REG3G: variants seen among roughly 807,000 people sequenced by gnomAD.
REG3G encodes regenerating islet-derived protein 3-gamma.
REG3G carries 19 observed loss-of-function variants against 20.9 expected under a neutral mutation model. The ratio of observed to expected loss-of-function variants is 0.91; its 90% CI spans 0.64 to 1.34. The LOEUF (loss-of-function observed/expected upper bound fraction) is 1.34. Ranked by LOEUF, REG3G falls within the 40% of genes most tolerant of loss-of-function variation. REG3G has a pLI of 0.00. For missense variants in REG3G, 235 were observed against 205.0 expected (o/e 1.15, Z -0.89); for synonymous variants, 89 against 77.4 (o/e 1.15, Z -0.79).
At chr2:79,026,489 G>T in intron 2 of REG3G, 1 of 598,890 alleles carries the variant, frequency 1.7e-6, no homozygotes, top group East Asian at 2.8e-5. Context: ...ACAGTGAAGA[G>T]AGTGTTGAAT....
At position 79,028,246 on chromosome 2, in the gene REG3G, G is replaced by A. The variant is rs1671676029; in HGVS notation, c.498G>A (p.Lys166=). Residue 166 remains lysine, a synonymous_variant, in exon 6 of 6, where the codon AAG becomes AAA. Coordinates refer to ENST00000272324, the MANE Select transcript of REG3G (RefSeq NM_001008387.3). ...LKWKDYNCDA[K]LPYVCKFKD is the part of the protein sequence containing the mutation. ...GGAAAGATTATAACTGTGATGCAAA[G>A]TTACCCTATGTCTGCAAGTTCAAGG... 6.2e-7 allele frequency: 1 copy of A among 1,613,288 alleles called. No individual in the cohort carries two copies. The highest frequency in any genetic ancestry group is 8.5e-7 in the Non-Finnish European group (1 of 1,179,376).
chr2:79,027,266 A>G (rs1671649197), intron 4 of REG3G, 95 bp downstream of exon 4: 1 of 1,345,804 alleles, frequency 7.4e-7, no homozygotes, highest in East Asian at 2.3e-5. Flanking sequence ...GAAGTACTTT[A>G]GGGAGCACTG....
rs781292256 is a variant in REG3G, at chr2:79,028,321, A to G, written c.*45A>G. 13 of 1,319,348 alleles carry G rather than the reference A, an allele frequency of 9.9e-6. No individual in the cohort carries two copies. Among genetic ancestry groups the G allele is most frequent in the Non-Finnish European group, 7.7e-6 (7 of 910,882 alleles). 81.7% of individuals were successfully genotyped at this position (1,319,348 alleles called of 1,614,324 possible). A position where few individuals can be genotyped will look rare whatever the true frequency, so the allele number is the denominator to read the frequency against. On this transcript the variant is annotated 3_prime_UTR_variant, in exon 6 of 6. Coordinates refer to ENST00000272324, the MANE Select transcript of REG3G (RefSeq NM_001008387.3). ...GCCTGAGCTTGGCGTGCAGCTCATC[A>G]TGGACATGAGACCAGTGTGAAGACT... is the stretch of plus-strand genomic sequence containing the variant.
chr2:79,026,589 G>C, intron 2 of REG3G, 124 bp from the exon 3 acceptor site: 1 of 773,172 alleles, frequency 1.3e-6, no homozygotes, highest in South Asian at 1.7e-5. Flanking sequence ...AAAACACAAG[G>C]GAAGATGAAG....
chr2:79,028,057 C>A, intron 5 of REG3G, 124 bp downstream of exon 5: 1 of 1,325,458 alleles, frequency 7.5e-7, no homozygotes, highest in Non-Finnish European at 1.1e-6. Flanking sequence ...CGTCTCCTCT[C>A]ATCTCTGCCT....
At position 79,027,794 on chromosome 2, in the gene REG3G, C is replaced by T; in HGVS notation, c.334-13C>T. 9 of 1,613,826 alleles carry T rather than the reference C, an allele frequency of 5.6e-6. No homozygotes were observed. Among genetic ancestry groups the T allele is most frequent in the Non-Finnish European group, 7.6e-6 (9 of 1,179,828 alleles). ...GCCATTTTCTTCACCTGGCTGCCTC[C>T]TCTTCTCTATAGGGCTCTGAGCCTG... On this transcript the variant is annotated splice_polypyrimidine_tract_variant and intron_variant, in intron 4 of 5. Coordinates refer to ENST00000272324, the MANE Select transcript of REG3G (RefSeq NM_001008387.3).
chr2:79,027,236 T>C, intron 4 of REG3G, 65 bp downstream of exon 4: 1 of 1,545,210 alleles, frequency 6.5e-7, no homozygotes, highest in Non-Finnish European at 8.9e-7. Context: ...GCGCACTCCC[T>C]GTCCCCAGTC....
Position 79,027,910 on chromosome 2 carries a change from G to T in REG3G, c.437G>T (p.Cys146Phe). 1 of 1,614,068 alleles carries T rather than the reference G, an allele frequency of 6.2e-7. No homozygotes were observed. Among genetic ancestry groups the T allele is most frequent in the Non-Finnish European group, 8.5e-7 (1 of 1,179,974 alleles). The change falls in exon 5 of 6, where the codon TGT becomes TTT. Residue 146 changes from cysteine (C) to phenylalanine (F), a missense_variant. By Grantham distance (205) the Cys-to-Phe change is radical (BLOSUM62 -2). Transcript: ENST00000272324. Reference sequence around the variant, plus strand: ...TCCACCATCTTAAACCCTGGCCACTGTGGGAGCCTGTCAAGAAGCACAGGT... The same window carrying T: ...TCCACCATCTTAAACCCTGGCCACTTTGGGAGCCTGTCAAGAAGCACAGGT... ...NPSTILNPGH[C>F]GSLSRSTGFL...
In REG3G at chr2:79,026,618, C is replaced by T. The variant is rs924682635; in HGVS notation, c.77-95C>T. On this transcript the variant is annotated intron_variant, in intron 2 of 5. Transcript: ENST00000272324. ...GATGAAGAGCTGTCAGGAATGTGGT[C>T]TTCCTCCCCAAGGGCAGACCTAGAT... The T allele has an allele frequency of 5.1e-6, 5 of 977,942 alleles. No individual in the cohort carries two copies. In the African/African-American group the frequency reaches 8.2e-5, roughly 16 times the overall value. 60.6% of individuals were successfully genotyped at this position (977,942 alleles called of 1,614,324 possible).
chr2:79,026,235 G>A, intron 2 of REG3G, 66 bp downstream of exon 2: 2 of 1,503,886 alleles, frequency 1.3e-6, no homozygotes, highest in East Asian at 2.3e-5. Context: ...AAGGAGGAAG[G>A]CTCCTGTGTG....
Position 79,027,172 on chromosome 2 carries a change from G to T in REG3G, c.333+1G>T, listed in dbSNP as rs1310525307. The T allele has an allele frequency of 1.2e-6, 2 of 1,613,638 alleles. No individual in the cohort carries two copies. The highest frequency in any genetic ancestry group is 8.5e-7 in the Non-Finnish European group (1 of 1,179,668). ...GATTGGGCTCCATGACCCCACACAG[G>T]TGCGAGTATATCCTCCCCTCTCTGT... On this transcript the variant is annotated splice_donor_variant, in intron 4 of 5. Transcript: ENST00000272324. LOFTEE classifies it high-confidence loss of function.
chr2:79,025,845 G>A (rs1671604057), intron 1 of REG3G, 72 bp downstream of exon 1: 1 of 484,970 alleles, frequency 2.1e-6, no homozygotes, highest in East Asian at 3.5e-5. Context: ...ACGCATGGGA[G>A]GGTCCCTTCC....
chr2:79,025,839 A>G (rs1671603796), intron 1 of REG3G, 66 bp downstream of exon 1: 3 of 473,156 alleles, frequency 6.3e-6, no homozygotes, highest in Non-Finnish European at 7.7e-6. Context: ...AGGAGAACGC[A>G]TGGGAGGGTC....
Position 79,027,886 on chromosome 2 carries a change from C to A in REG3G, c.413C>A (p.Ser138Tyr). The change falls in exon 5 of 6, where the codon TCC becomes TAC. Residue 138 changes from serine to tyrosine, a missense_variant. Transcript: ENST00000272324. ...MNYFAWEKNP[S>Y]TILNPGHCGS... The stretch of plus-strand genomic sequence containing the variant: ...TACTTTGCATGGGAGAAAAATCCCT[C>A]CACCATCTTAAACCCTGGCCACTGT... 3 of 1,614,092 alleles carry A rather than the reference C, an allele frequency of 1.9e-6. No homozygotes were observed. Among genetic ancestry groups the A allele is most frequent in the Non-Finnish European group, 2.5e-6 (3 of 1,179,982 alleles).
intron 2 of REG3G, chr2:79,026,400 A>G (rs887490430): frequency 3.3e-6 from 2 of 599,640 alleles, no homozygotes; most frequent in African/African-American, 1.9e-5. Context: ...TCTAATATAC[A>G]CTGGTGGGAA....
Position 79,028,501 on chromosome 2 carries a change from A to G in REG3G, c.*225A>G. 4.0e-6 allele frequency: 2 copies of G among 496,572 alleles called. No homozygotes were observed. The highest frequency in any genetic ancestry group is 3.4e-5 in the Admixed American group (1 of 29,498). 30.8% of individuals were successfully genotyped at this position (496,572 alleles called of 1,614,324 possible). ...AATAATAATAAAAATGTTACTTTAT[A>G]CGTATATGCTTTTGTTTCATTCTTA... On this transcript the variant is annotated 3_prime_UTR_variant, in exon 6 of 6. Transcript: ENST00000272324.
intron 4 of REG3G, among the ~76,000 whole-genome samples, 153 bp from the exon 5 acceptor site, chr2:79,027,654 A>G (rs964634901): frequency 6.6e-6 from 1 of 152,192 alleles, no homozygotes; most frequent in African/African-American, 2.4e-5. Flanking sequence ...AGTTAAGGAA[A>G]AGATTCCAGT....
Position 79,026,115 on chromosome 2 carries a change from C to T in REG3G, c.22C>T (p.Pro8Ser), listed in dbSNP as rs1340891765. ...CACTATGCTGCCTCCCATGGCCCTGCCCAGTGTGTCCTGGATGCTGCTTTC... is the reference window on the plus strand; with the variant it reads ...CACTATGCTGCCTCCCATGGCCCTGTCCAGTGTGTCCTGGATGCTGCTTTC... MLPPMALPSVSWMLLSCL... is the reference protein window; with the variant it reads MLPPMALSSVSWMLLSCL... Residue 8 changes from proline to serine, a missense_variant, in exon 2 of 6, where the codon CCC becomes TCC. Pro to Ser is a moderately conservative substitution (Grantham distance 74). Transcript: ENST00000272324. 3.1e-6 allele frequency: 5 copies of T among 1,613,978 alleles called. No individual in the cohort carries two copies. In the South Asian group the frequency reaches 4.4e-5, roughly 14 times the overall value.
Sources: allele counts gnomAD v4.1 joint callset (sites outside exome capture counted in the v4.1 genomes callset), GRCh38; gene constraint gnomAD v4.1.1; transcripts MANE v1.5; gene names NCBI Gene and HGNC (gene_info 2026-07-23, HGNC 2026-07-21).